ATP13A4: variants seen among roughly 807,000 people sequenced by gnomAD.
The protein encoded by ATP13A4 is ATPase 13A4.
ATP13A4 carries 114 observed loss-of-function variants against 142.5 expected under a neutral mutation model. The observed-to-expected ratio is 0.80, with a 90% CI of 0.69 to 0.93. The LOEUF is 0.93. Ranked by LOEUF, ATP13A4 falls within the 40% of genes least tolerant of loss-of-function variation. The pLI, the probability that ATP13A4 is intolerant of heterozygous loss-of-function variation, is 0.00. For synonymous variants in ATP13A4, 488 were observed against 514.8 expected (o/e 0.95, Z 0.70); for missense variants, 1,392 against 1,454.0 (o/e 0.96, Z 0.69).
At chr3:193,559,934 G>T (rs532658967), upstream of ATP13A4, among the ~76,000 whole-genome samples, 1 of 152,270 alleles carries the variant, frequency 6.6e-6, no homozygotes, top group African/African-American at 2.4e-5. Context: ...CAAAAGAGAT[G>T]GTCCCCAGGC....
intron 6 of ATP13A4, among the ~76,000 whole-genome samples, chr3:193,490,940 G>C (rs1207712047): frequency 1.3e-5 from 2 of 151,970 alleles, no homozygotes; most frequent in African/African-American, 4.8e-5. Flanking sequence ...CTGAATAAAT[G>C]GTTTTTTTCT....
intron 1 of ATP13A4, among the ~76,000 whole-genome samples, chr3:193,517,521 C>T (rs1721478996): frequency 6.6e-6 from 1 of 152,202 alleles, no homozygotes; most frequent in Admixed American, 6.5e-5. Flanking sequence ...CGCTCTGTCG[C>T]CCAGGCTGGA....
intron 2 of ATP13A4, among the ~76,000 whole-genome samples, chr3:193,580,902 C>T (rs73065823): frequency 0.028 from 4,324 of 152,272 alleles, 186 homozygotes; most frequent in African/African-American, 0.093. Context: ...TGTTGTGCTG[C>T]TCAAACAATG....
chr3:193,454,269 A>T, intron 16 of ATP13A4, 57 bp from the exon 17 acceptor site: 1 of 1,314,196 alleles, frequency 7.6e-7, no homozygotes. Flanking sequence ...CAGTACTGGC[A>T]AAGAAATTCT....
intron 3 of ATP13A4, among the ~76,000 whole-genome samples, chr3:193,498,648 C>T (rs536167592): frequency 6.6e-6 from 1 of 152,254 alleles, no homozygotes; most frequent in African/African-American, 2.4e-5. Flanking sequence ...GCATTCTGGG[C>T]ATAATATTTA....
At position 193,402,353 on chromosome 3, in the gene ATP13A4, A is replaced by G. The variant is rs2108597470; in HGVS notation, c.*299T>C. On this transcript the variant is annotated 3_prime_UTR_variant, in exon 30 of 30. Transcript: ENST00000342695. ...GTATTGTCCTGTCCTAAGAGGAAAG[A>G]TCACATATTTTTCCCCTTTAGCCTG... 2.6e-6 allele frequency: 1 copy of G among 385,796 alleles called. No homozygotes were observed. The highest frequency in any genetic ancestry group is 5.9e-5 in the East Asian group (1 of 16,822). The allele number at this position is 385,796 out of a possible 1,614,324, so 23.9% of individuals were successfully genotyped here.
intron 23 of ATP13A4, among the ~76,000 whole-genome samples, 177 bp downstream of exon 23, chr3:193,438,298 G>A (rs1358423418): frequency 6.6e-6 from 1 of 152,146 alleles, no homozygotes; most frequent in African/African-American, 2.4e-5. Context: ...CTCTCCCAAT[G>A]TTATTGTTAA....
At position 193,436,677 on chromosome 3, in the gene ATP13A4, C is replaced by A. The variant is rs192803306; in HGVS notation, c.2673-933G>T. On this transcript the variant is annotated intron_variant, in intron 23 of 29. Coordinates refer to ENST00000342695, the MANE Select transcript of ATP13A4 (RefSeq NM_032279.4). ...ACGTTGGCCAAGCTGGTCTCGAACT[C>A]CTGACCTCAAGTGATCCACCCACCT... 4.6e-5 allele frequency among the ~76,000 whole-genome samples: 7 copies of A among 151,756 alleles called. No individual in the cohort carries two copies. The East Asian group carries it at 1.4e-3, about 30-fold the overall frequency.
intron 17 of ATP13A4, among the ~76,000 whole-genome samples, chr3:193,452,567 A>ATTTTTTTT (rs751029977): frequency 1.7e-5 from 2 of 120,798 alleles, no homozygotes; most frequent in East Asian, 2.3e-4. Context: ...ACATTGTGGA[A>ATTTTTTTT]TTTTTTTTTT....
intron 18 of ATP13A4, among the ~76,000 whole-genome samples, chr3:193,443,095 A>G (rs572736299): frequency 2.6e-5 from 4 of 152,240 alleles, no homozygotes; most frequent in Non-Finnish European, 2.9e-5. Flanking sequence ...TCCCTATTCC[A>G]TATTTGACTG....
intron 3 of ATP13A4, among the ~76,000 whole-genome samples, chr3:193,500,210 C>T (rs141728923): frequency 2.0e-3 from 297 of 152,264 alleles, no homozygotes; most frequent in African/African-American, 6.7e-3. Flanking sequence ...TGAATTTCAT[C>T]TTTCTGCTCA....
At chr3:193,499,043 C>CA (rs531284111) in intron 3 of ATP13A4, among the ~76,000 whole-genome samples, 27 of 152,362 alleles carry the variant, frequency 1.8e-4, no homozygotes, top group Admixed American at 3.9e-4. Context: ...TGAATGCTAA[C>CA]TCTATGCAAT....
At chr3:193,406,599 G>T (rs534894069) in intron 29 of ATP13A4, among the ~76,000 whole-genome samples, 6 of 152,192 alleles carry the variant, frequency 3.9e-5, no homozygotes, top group Non-Finnish European at 8.8e-5. Context: ...ATTTCACTGA[G>T]GAAATGGAGC....
chr3:193,451,773 C>T (rs895689561), intron 17 of ATP13A4, among the ~76,000 whole-genome samples: 1 of 152,108 alleles, frequency 6.6e-6, no homozygotes, highest in South Asian at 2.1e-4. Context: ...GATACCAATG[C>T]TGGAAGCACC....
Position 193,455,685 on chromosome 3 carries a change from T to C in ATP13A4, c.1915+1315A>G, listed in dbSNP as rs1025346420. 2.6e-5 allele frequency among the ~76,000 whole-genome samples: 4 copies of C among 152,184 alleles called. No individual in the cohort carries two copies. The East Asian group carries it at 5.8e-4, about 22-fold the overall frequency. On this transcript the variant is annotated intron_variant, in intron 16 of 29. Coordinates refer to ENST00000342695, the MANE Select transcript of ATP13A4 (RefSeq NM_032279.4). Reference sequence around the variant, plus strand: ...TCAGCCCAGAAATCCCATTACTGGGTATATAGCCAAAGACAGGTAAATCAT... The same window carrying C: ...TCAGCCCAGAAATCCCATTACTGGGCATATAGCCAAAGACAGGTAAATCAT...
At chr3:193,430,355 T>C (rs745327895) in intron 25 of ATP13A4, among the ~76,000 whole-genome samples, 7 of 152,148 alleles carry the variant, frequency 4.6e-5, no homozygotes, top group Non-Finnish European at 1.0e-4. Context: ...TCCTTTAATA[T>C]GTCAGAAGTA....
intron 1 of ATP13A4, among the ~76,000 whole-genome samples, chr3:193,531,141 C>T (rs1421980396): frequency 6.6e-6 from 1 of 152,034 alleles, no homozygotes; most frequent in Non-Finnish European, 1.5e-5. Context: ...GTTCTCACAG[C>T]ACCTTGCATA....
At chr3:193,492,689 C>G (rs1238563117) in intron 5 of ATP13A4, among the ~76,000 whole-genome samples, 2 of 152,092 alleles carry the variant, frequency 1.3e-5, no homozygotes, top group Non-Finnish European at 2.9e-5. Flanking sequence ...CCTCAGATTT[C>G]TCATTTGTTG....
chr3:193,422,194 G>C (rs1715437604), intron 25 of ATP13A4, among the ~76,000 whole-genome samples: 1 of 149,866 alleles, frequency 6.7e-6, no homozygotes, highest in African/African-American at 2.4e-5. Context: ...TGTCACAAGA[G>C]ACAATGCATC....
Sources: gnomAD v4.1 joint callset for allele counts (sites outside exome capture counted in the v4.1 genomes callset) on GRCh38, gnomAD v4.1.1 for gene constraint, MANE v1.5 for transcripts, NCBI Gene and HGNC (gene_info 2026-07-23, HGNC 2026-07-21) for gene names.